NUBP1: variants seen among roughly 807,000 people sequenced by gnomAD.
NUBP1 encodes cytosolic Fe-S cluster assembly factor NUBP1.
A neutral mutation model predicts 41.8 loss-of-function variants in NUBP1; 46 were observed. That is an observed-to-expected ratio of 1.10 (90% CI 0.87 to 1.41). The LOEUF is 1.41. NUBP1 is among the 40% of genes most tolerant of loss of function. The pLI, the probability that NUBP1 is intolerant of heterozygous loss-of-function variation, is 0.00. For missense variants in NUBP1, 494 were observed against 414.0 expected (o/e 1.19, Z -1.68); for synonymous variants, 189 against 154.6 (o/e 1.22, Z -1.65).
chr16:10,762,482 G>C (rs912054755), intron 9 of NUBP1, among the ~76,000 whole-genome samples: 1 of 152,178 alleles, frequency 6.6e-6, no homozygotes, highest in East Asian at 1.9e-4. Flanking sequence ...CCCACTCGCC[G>C]CGGGGCGCTG....
chr16:10,761,445 A>G lies in NUBP1; in HGVS notation c.688A>G (p.Met230Val), dbSNP rs1257036325. Residue 230 changes from methionine to valine, a missense_variant, in exon 8 of 11, where the codon ATG becomes GTG. Physicochemically the swap from Met to Val is conservative, Grantham distance 21. Coordinates refer to ENST00000283027, the MANE Select transcript of NUBP1 (RefSeq NM_002484.4). ...KLPIIGVVEN[M>V]SGFICPKCKK... is the part of the protein sequence containing the mutation. ...GCCCATCATCGGGGTGGTGGAGAAC[A>G]TGAGTGGCTTCATCTGTCCTAAGTG... The G allele has an allele frequency of 1.2e-6, 2 of 1,614,088 alleles. No individual in the cohort carries two copies. Among genetic ancestry groups the G allele is most frequent in the African/African-American group, 1.3e-5 (1 of 75,038 alleles).
Position 10,768,606 on chromosome 16 carries a change from CA to C in NUBP1, c.905-434del. 6.3e-6 allele frequency: 1 copy of C among 157,596 alleles called. No individual in the cohort carries two copies. The allele number at this position is 157,596 out of a possible 1,614,324, so 9.8% of individuals were successfully genotyped here. ...TGGGCAACAGCGTGAGACCGTGTCTCAAAAAAATAAAAAATAAAAATAAAAA... is the reference window on the plus strand; with the variant it reads ...TGGGCAACAGCGTGAGACCGTGTCTCAAAAAATAAAAAATAAAAATAAAAA... On this transcript the variant is annotated intron_variant, in intron 10 of 10. Transcript: ENST00000283027. The surrounding 1 kb of genome is among the most constrained non-coding windows in gnomAD (Gnocchi z 4.3).
chr16:10,758,586 G>T (rs901801704), intron 7 of NUBP1, among the ~76,000 whole-genome samples: 1 of 152,190 alleles, frequency 6.6e-6, no homozygotes, highest in Non-Finnish European at 1.5e-5. Flanking sequence ...GGTCAAGAAT[G>T]CTTTTTGAAC....
Position 10,769,211 on chromosome 16 carries a change from G to C in NUBP1, c.*106G>C, listed in dbSNP as rs1021171745. On this transcript the variant is annotated 3_prime_UTR_variant, in exon 11 of 11. Transcript: ENST00000283027. ...CGGGATGGGGTGGGTCACAGCAAAA[G>C]GACCAGATGCTGGTGTGGTCCGAAG... 1.4e-5 allele frequency: 13 copies of C among 942,884 alleles called. No homozygotes were observed. Among genetic ancestry groups the C allele is most frequent in the Non-Finnish European group, 2.0e-5 (12 of 591,832 alleles). The allele number at this position is 942,884 out of a possible 1,614,324, so 58.4% of individuals were successfully genotyped here.
Position 10,749,120 on chromosome 16 carries a change from G to GACACACACACACACACACACAC in NUBP1, c.258+1849_258+1850insCACACACACACACACACACACA, listed in dbSNP as rs777149995. 1.6e-4 allele frequency among the ~76,000 whole-genome samples: 15 copies of GACACACACACACACACACACAC among 92,376 alleles called. No individual in the cohort carries two copies. Among genetic ancestry groups the GACACACACACACACACACACAC allele is most frequent in the African/African-American group, 5.4e-4 (14 of 25,808 alleles). The allele number at this position is 92,376 out of a possible 152,430, so 60.6% of individuals were successfully genotyped here. A position where few individuals can be genotyped will look rare whatever the true frequency, so the allele number is the denominator to read the frequency against. On this transcript the variant is annotated intron_variant, in intron 3 of 10. Coordinates refer to ENST00000283027, the MANE Select transcript of NUBP1 (RefSeq NM_002484.4). The surrounding 1 kb of genome is among the most constrained non-coding windows in gnomAD (Gnocchi z 4.1). Reference sequence around the variant, plus strand: ...AAAAAAGGATATAGATAGATACACAGACACATACACACACACACACACACA... The same window carrying GACACACACACACACACACACAC: ...AAAAAAGGATATAGATAGATACACAGACACACACACACACACACACACACACATACACACACACACACACACA...
chr16:10,761,133 T>A (rs1337368907), intron 7 of NUBP1: 1 of 420,086 alleles, frequency 2.4e-6, no homozygotes, highest in African/African-American at 2.0e-5. Flanking sequence ...GCCCCCATGA[T>A]CCAATCACCT....
Position 10,749,126 on chromosome 16 carries a change from T to TACACACAC in NUBP1, c.258+1887_258+1894dup, listed in dbSNP as rs58201009. 1.5e-4 allele frequency among the ~76,000 whole-genome samples: 18 copies of TACACACAC among 121,014 alleles called. No homozygotes were observed. The highest frequency in any genetic ancestry group is 2.4e-4 in the East Asian group (1 of 4,150). 79.4% of individuals were successfully genotyped at this position (121,014 alleles called of 152,430 possible). ...GGATATAGATAGATACACAGACACATACACACACACACACACACACACACA... is the reference window on the plus strand; with the variant it reads ...GGATATAGATAGATACACAGACACATACACACACACACACACACACACACACACACACA... On this transcript the variant is annotated intron_variant, in intron 3 of 10. Transcript: ENST00000283027. The surrounding 1 kb of genome is among the most constrained non-coding windows in gnomAD (Gnocchi z 4.1).
chr16:10,758,692 C>T (rs1900740327), intron 7 of NUBP1, among the ~76,000 whole-genome samples: 1 of 152,196 alleles, frequency 6.6e-6, no homozygotes. Flanking sequence ...TGTCAGGTCC[C>T]CCAGCCTACA....
At chr16:10,761,619 A>C in intron 8 of NUBP1, 138 bp from the exon 9 acceptor site, 2 of 982,004 alleles carry the variant, frequency 2.0e-6, no homozygotes, top group Non-Finnish European at 3.0e-6. Context: ...CTGCTGACTA[A>C]AGGAAAGTTC....
chr16:10,762,751 G>T (rs1256854789), intron 9 of NUBP1, among the ~76,000 whole-genome samples: 1 of 151,262 alleles, frequency 6.6e-6, no homozygotes, highest in Non-Finnish European at 1.5e-5. Flanking sequence ...TCTGTGCCGG[G>T]ACAGGAGAGA....
rs1250711408 is a variant in NUBP1 at position 10,749,120 on chromosome 16, GACACATACACAC to G, written c.258+1850_258+1861del. Among the ~76,000 whole-genome samples the G allele has an allele frequency of 1.5e-3, 139 of 92,374 alleles. 4 individuals are homozygous for G. The highest frequency in any genetic ancestry group is 5.1e-3 in the Middle Eastern group (1 of 198). The allele number at this position is 92,374 out of a possible 152,430, so 60.6% of individuals were successfully genotyped here. On this transcript the variant is annotated intron_variant, in intron 3 of 10. Coordinates refer to ENST00000283027, the MANE Select transcript of NUBP1 (RefSeq NM_002484.4). The surrounding 1 kb of genome is among the most constrained non-coding windows in gnomAD (Gnocchi z 4.1). ...AAAAAAGGATATAGATAGATACACA[GACACATACACAC>G]ACACACACACACACACACACACACA...
At chr16:10,748,374 T>A (rs1056281218) in intron 3 of NUBP1, among the ~76,000 whole-genome samples, 5 of 151,954 alleles carry the variant, frequency 3.3e-5, no homozygotes, top group Admixed American at 6.6e-5. Flanking sequence ...CTTACACGAG[T>A]TTATTCATTT....
At chr16:10,745,011 G>A (rs1899998903) in intron 2 of NUBP1, among the ~76,000 whole-genome samples, 1 of 151,728 alleles carries the variant, frequency 6.6e-6, no homozygotes, top group Non-Finnish European at 1.5e-5. Context: ...ATCTGCCTGG[G>A]CCTCCCAAAG....
chr16:10,757,733 T>A lies in NUBP1; in HGVS notation c.452-140T>A. 1.0e-6 allele frequency: 1 copy of A among 954,780 alleles called. No individual in the cohort carries two copies. Among genetic ancestry groups the A allele is most frequent in the Non-Finnish European group, 1.6e-6 (1 of 635,998 alleles). The allele number at this position is 954,780 out of a possible 1,614,324, so 59.1% of individuals were successfully genotyped here. A position where few individuals can be genotyped will look rare whatever the true frequency, so the allele number is the denominator to read the frequency against. On this transcript the variant is annotated intron_variant, in intron 6 of 10. Coordinates refer to ENST00000283027, the MANE Select transcript of NUBP1 (RefSeq NM_002484.4). This position sits in a 1 kb window ranked among gnomAD's most constrained non-coding sequence, Gnocchi z 4.1. ...GTCCTAGTTACTTGGGAGGCTGAGG[T>A]GGGAGGATTGCTTGAGCCTCAGAGT...
At chr16:10,761,062 A>T in intron 7 of NUBP1, 1 of 282,754 alleles carries the variant, frequency 3.5e-6, no homozygotes, top group Non-Finnish European at 6.9e-6. Flanking sequence ...GAACTGTCAA[A>T]CACTTACAAA....
intron 4 of NUBP1, among the ~76,000 whole-genome samples, chr16:10,755,023 C>T (rs149312645): frequency 5.9e-5 from 9 of 152,110 alleles, no homozygotes; most frequent in Non-Finnish European, 8.8e-5. Context: ...CCAGCCTGGT[C>T]GACAGGGCAA....
intron 9 of NUBP1, 37 bp downstream of exon 9, chr16:10,761,896 C>G (rs746308132): frequency 8.3e-5 from 125 of 1,513,836 alleles, no homozygotes; most frequent in Middle Eastern, 1.7e-4. Context: ...CCTCACTCCT[C>G]GGTCAGCCCC....
chr16:10,763,217 G>A (rs183283659), intron 9 of NUBP1, among the ~76,000 whole-genome samples: 211 of 152,172 alleles, frequency 1.4e-3, no homozygotes, highest in Non-Finnish European at 2.2e-3. Context: ...TCTGGGGTCC[G>A]TCAGGAGAAG....
Position 10,759,768 on chromosome 16 carries a change from T to C in NUBP1, c.607-1596T>C, listed in dbSNP as rs182423634. Reference sequence around the variant, plus strand: ...TCCAGCCTGGGCGACAGAGCAAGACTCTGTCTCAAAAAAAGAAAGAAAGAA... The same window carrying C: ...TCCAGCCTGGGCGACAGAGCAAGACCCTGTCTCAAAAAAAGAAAGAAAGAA... On this transcript the variant is annotated intron_variant, in intron 7 of 10. Transcript: ENST00000283027. The surrounding 1 kb of genome is among the most constrained non-coding windows in gnomAD (Gnocchi z 4.7). 8.5e-5 allele frequency among the ~76,000 whole-genome samples: 13 copies of C among 152,242 alleles called. No individual in the cohort carries two copies. The highest frequency in any genetic ancestry group is 3.1e-4 in the African/African-American group (13 of 41,538).
Sources: gnomAD v4.1 joint callset for allele counts (sites outside exome capture counted in the v4.1 genomes callset) on GRCh38, gnomAD v4.1.1 for gene constraint, Gnocchi (gnomAD v3.1) non-coding constraint, MANE v1.5 for transcripts, NCBI Gene and HGNC (gene_info 2026-07-23, HGNC 2026-07-21) for gene names.